SLC5A11: variants seen among roughly 807,000 people sequenced by gnomAD.
SLC5A11 encodes solute carrier family 5 member 11, also known as sodium/myo-inositol cotransporter 2.
In SLC5A11, 48 loss-of-function variants were observed where a neutral mutation model predicts 69.8. The ratio of observed to expected loss-of-function variants is 0.69; its 90% CI spans 0.55 to 0.87. The LOEUF (loss-of-function observed/expected upper bound fraction) is 0.87, where lower values mean the gene tolerates loss of function less well. SLC5A11 is among the 40% of genes least tolerant of loss of function. The probability of loss-of-function intolerance (pLI) is 0.00; values close to 1 mark genes in which losing one functional copy is unlikely to be tolerated. For synonymous variants in SLC5A11, 319 were observed against 342.4 expected, an observed-to-expected ratio of 0.93 and a Z score of 0.75; for missense variants, 784 against 866.1, an observed-to-expected ratio of 0.91 and a Z score of 1.19.
chr16:24,855,943 C>T (rs1346165421), intron 1 of SLC5A11, among the ~76,000 whole-genome samples: 3 of 152,198 alleles, frequency 2.0e-5, no homozygotes, highest in African/African-American at 4.8e-5. Context: ...GGTCTCAAGC[C>T]GGAGTCACTA....
At chr16:24,890,541 GAAGA>G (rs1186425963) in intron 8 of SLC5A11, among the ~76,000 whole-genome samples, 52 of 136,982 alleles carry the variant, frequency 3.8e-4, no homozygotes, top group Middle Eastern at 3.6e-3. Flanking sequence ...AGAAAGGAAG[GAAGA>G]AAGAAAGAAA....
At chr16:24,906,696 TCTG>T in exon 11 of SLC5A11, 4 of 1,613,442 alleles carry the variant, frequency 2.5e-6, no homozygotes, top group Non-Finnish European at 3.4e-6. Flanking sequence ...TGCCAGAAGA[TCTG>T]CAGCAACCCC....
At chr16:24,864,739 C>G (rs1260953005) in intron 3 of SLC5A11, among the ~76,000 whole-genome samples, 1 of 152,106 alleles carries the variant, frequency 6.6e-6, no homozygotes, top group Non-Finnish European at 1.5e-5. Flanking sequence ...ACAAAAAAGC[C>G]ATGTCTTGAA....
chr16:24,910,566 G>A, intron 15 of SLC5A11, 89 bp downstream of exon 16: 1 of 1,400,662 alleles, frequency 7.1e-7, no homozygotes, highest in Non-Finnish European at 9.6e-7. Flanking sequence ...TCACAAGCCA[G>A]GAAAGTGGGC....
intron 7 of SLC5A11, among the ~76,000 whole-genome samples, chr16:24,880,481 C>T (rs559498754): frequency 1.2e-4 from 19 of 152,214 alleles, no homozygotes; most frequent in African/African-American, 3.9e-4. Context: ...ATTACAGGCA[C>T]GTGCCACCAT....
intron 9 of SLC5A11, among the ~76,000 whole-genome samples, chr16:24,891,691 TA>T (rs890316583): frequency 6.6e-6 from 1 of 151,960 alleles, no homozygotes; most frequent in Non-Finnish European, 1.5e-5. Context: ...TAAATGGGGG[TA>T]AAACTCCTAT....
chr16:24,883,312 C>T (rs1216469920), intron 7 of SLC5A11, among the ~76,000 whole-genome samples: 1 of 152,100 alleles, frequency 6.6e-6, no homozygotes, highest in South Asian at 2.1e-4. Flanking sequence ...CTGCAGTGAG[C>T]TATGATCACG....
rs184122374 is a variant in SLC5A11, at chr16:24,882,347, C to T, written c.584-1704C>T. ...GGATCTCACCACACTCAGGCTGACT[C>T]ACTGCATGCGTGAACGGCAGGGAAC... On this transcript the variant is annotated intron_variant, in intron 7 of 15. Coordinates refer to ENST00000347898, the Ensembl canonical transcript of SLC5A11. Among the ~76,000 whole-genome samples, 10 of 152,310 alleles carry T rather than the reference C, an allele frequency of 6.6e-5. No individual in the cohort carries two copies. In the East Asian group the frequency reaches 1.5e-3, roughly 24 times the overall value.
intron 2 of SLC5A11, among the ~76,000 whole-genome samples, chr16:24,861,733 GAAAA>G (rs768109041): frequency 3.2e-5 from 3 of 93,454 alleles, no homozygotes; most frequent in Non-Finnish European, 6.0e-5. Flanking sequence ...GCAGAAGAAA[GAAAA>G]AGAAAGAAAG....
intron 8 of SLC5A11, among the ~76,000 whole-genome samples, chr16:24,888,096 A>G (rs1597185952): frequency 6.6e-6 from 1 of 152,188 alleles, no homozygotes; most frequent in South Asian, 2.1e-4. Context: ...TTTTTCCAGC[A>G]TTCATGGAAT....
intron 5 of SLC5A11, among the ~76,000 whole-genome samples, chr16:24,874,107 G>A (rs779928537): frequency 1.3e-5 from 2 of 152,174 alleles, no homozygotes; most frequent in Non-Finnish European, 2.9e-5. Context: ...GATTACAGGT[G>A]TGAGCCACCG....
chr16:24,903,263 A>G (rs1028500493), intron 10 of SLC5A11, among the ~76,000 whole-genome samples: 2 of 151,876 alleles, frequency 1.3e-5, no homozygotes, highest in African/African-American at 4.8e-5. Context: ...GTGCAGTGTG[A>G]TATTTTGATA....
At chr16:24,877,222 T>A in intron 6 of SLC5A11, 36 bp from the exon 8 acceptor site, 1 of 1,609,560 alleles carries the variant, frequency 6.2e-7, no homozygotes, top group South Asian at 1.1e-5. Flanking sequence ...CATTCATTCG[T>A]TCATTTGTTC....
intron 1 of SLC5A11, among the ~76,000 whole-genome samples, chr16:24,857,519 C>A (rs185302173): frequency 1.3e-5 from 2 of 152,344 alleles, no homozygotes; most frequent in Admixed American, 6.5e-5. Context: ...TGAATTCCTT[C>A]TGGATGTGCT....
At chr16:24,895,888 T>A (rs1332094821) in intron 9 of SLC5A11, among the ~76,000 whole-genome samples, 1 of 152,066 alleles carries the variant, frequency 6.6e-6, no homozygotes, top group Non-Finnish European at 1.5e-5. Flanking sequence ...CAAGGTGACA[T>A]CTCTCTCCCC....
exon 8 of SLC5A11, chr16:24,884,126 G>A: frequency 6.2e-7 from 1 of 1,614,018 alleles, no homozygotes; most frequent in Non-Finnish European, 8.5e-7. Context: ...ACCTTGATGG[G>A]CTACAGTAAG....
intron 7 of SLC5A11, among the ~76,000 whole-genome samples, chr16:24,883,224 G>C (rs1034844123): frequency 6.6e-6 from 1 of 151,570 alleles, no homozygotes; most frequent in African/African-American, 2.4e-5. Flanking sequence ...AATTAGCCAG[G>C]CATGGTGGCT....
At chr16:24,848,935 G>A (rs916159239) in intron 1 of SLC5A11, among the ~76,000 whole-genome samples, 1 of 152,216 alleles carries the variant, frequency 6.6e-6, no homozygotes, top group Non-Finnish European at 1.5e-5. Flanking sequence ...GAGGGAAAAT[G>A]TGTGGATTTA....
intron 10 of SLC5A11, among the ~76,000 whole-genome samples, chr16:24,902,275 G>A (rs1331527888): frequency 6.6e-6 from 1 of 151,898 alleles, no homozygotes; most frequent in African/African-American, 2.4e-5. Flanking sequence ...TGGTTTGAAA[G>A]TACATCATAG....
Sources: allele counts gnomAD v4.1 joint callset (sites outside exome capture counted in the v4.1 genomes callset), GRCh38; gene constraint gnomAD v4.1.1; transcripts MANE v1.5; gene names NCBI Gene and HGNC (gene_info 2026-07-23, HGNC 2026-07-21).